PUF60: variants seen among roughly 807,000 people sequenced by gnomAD.
The protein encoded by PUF60 is poly(U)-binding-splicing factor PUF60.
Under a neutral mutation model 61.8 loss-of-function variants are expected in PUF60, and 10 were observed. The ratio of observed to expected loss-of-function variants is 0.16; its 90% CI spans 0.10 to 0.27. The LOEUF (loss-of-function observed/expected upper bound fraction) is 0.27, where lower values mean the gene tolerates loss of function less well. PUF60 is among the 10% of genes least tolerant of loss of function. The probability of loss-of-function intolerance (pLI) is 1.00; values close to 1 mark genes in which losing one functional copy is unlikely to be tolerated. For synonymous variants in PUF60, 353 were observed against 300.9 expected, an observed-to-expected ratio of 1.17 and a Z score of -1.79; for missense variants, 371 against 754.0, an observed-to-expected ratio of 0.49 and a Z score of 5.95.
intron 2 of PUF60, 128 bp from the exon 3 acceptor site, chr8:143,822,041 G>A: frequency 3.0e-6 from 2 of 673,568 alleles, no homozygotes. Context: ...TTCTGACATT[G>A]CTGTCCCCAG....
rs1161486449 is a variant in PUF60, at chr8:143,822,927, C to G, written c.112-1014G>C. On this transcript the variant is annotated intron_variant, in intron 2 of 11. Transcript: ENST00000526683. ...GGACAGCAGAGAAGAGAGAAGGGTC[C>G]CCAGCACAGAAGTGATGAGCAAGGA... The G allele has an allele frequency of 6.8e-5, 18 of 266,422 alleles. No homozygotes were observed. In the South Asian group the frequency reaches 6.8e-4, roughly 10 times the overall value. The allele number at this position is 266,422 out of a possible 1,614,324, so 16.5% of individuals were successfully genotyped here.
rs1816425058 is a variant in PUF60 at position 143,817,158 on chromosome 8, C to A, written c.1145-13G>T. On this transcript the variant is annotated splice_polypyrimidine_tract_variant and intron_variant, in intron 10 of 11. Coordinates refer to ENST00000526683, the MANE Select transcript of PUF60 (RefSeq NM_078480.3). This position sits in a 1 kb window ranked among gnomAD's most constrained non-coding sequence, Gnocchi z 7.4. Reference sequence around the variant, plus strand: ...GCTGGGGTCACACCTGCAGGAAAACCAACCAGGTCCATCAGTCACTCCCTA... The same window carrying A: ...GCTGGGGTCACACCTGCAGGAAAACAAACCAGGTCCATCAGTCACTCCCTA... 1.3e-6 allele frequency: 2 copies of A among 1,578,588 alleles called. No individual in the cohort carries two copies. Among genetic ancestry groups the A allele is most frequent in the African/African-American group, 1.3e-5 (1 of 74,358 alleles).
chr8:143,823,518 G>A (rs528146270), intron 2 of PUF60, among the ~76,000 whole-genome samples: 11 of 152,358 alleles, frequency 7.2e-5, no homozygotes, highest in African/African-American at 2.4e-4. Context: ...CCGGCTGGGC[G>A]CCAGCCAAGG....
intron 1 of PUF60, chr8:143,827,331 G>A: frequency 2.2e-6 from 1 of 455,970 alleles, no homozygotes; most frequent in South Asian, 1.5e-5. Flanking sequence ...CTGGCTGTCA[G>A]TGAAGAGAAC....
chr8:143,817,064 G>A lies in PUF60; in HGVS notation c.1226C>T (p.Thr409Met), dbSNP rs371217811. The A allele has an allele frequency of 9.4e-5, 151 of 1,611,518 alleles. No individual in the cohort carries two copies. Among genetic ancestry groups the A allele is most frequent in the Non-Finnish European group, 1.2e-4 (139 of 1,179,294 alleles). Residue 409 changes from threonine to methionine, a missense_variant, in exon 11 of 12, where the codon ACG becomes ATG. Around this residue, in one of 13 missense-constraint regions of PUF60, gnomAD observed 68 missense variants for 69.4 expected, o/e 0.98. Coordinates refer to ENST00000526683, the MANE Select transcript of PUF60 (RefSeq NM_078480.3). This position sits in a 1 kb window ranked among gnomAD's most constrained non-coding sequence, Gnocchi z 7.4. ...CTTCTTGGGCTCCAGGAGACCCAGC[G>A]TTGGAGGGCTGGCCAGGATGGGGTT... ...VVNPILASPP[T>M]LGLLEPKKEK...
intron 1 of PUF60, 118 bp from the exon 2 acceptor site, chr8:143,824,517 A>T: frequency 9.4e-7 from 1 of 1,069,042 alleles, no homozygotes; most frequent in Non-Finnish European, 1.4e-6. Context: ...CCAGGCAGGG[A>T]GGCATTCCCG....
At chr8:143,827,448 A>AGG (rs1308278576) in intron 1 of PUF60, 3 of 456,218 alleles carry the variant, frequency 6.6e-6, no homozygotes, top group Non-Finnish European at 1.3e-5. Context: ...TGCCCATGGG[A>AGG]GGGGAGGCCC....
rs1405476626 is a variant in PUF60 at position 143,817,050 on chromosome 8, C to T, written c.1240G>A (p.Glu414Lys). ...LASPPTLGLLEPKKEKEEEEL... is the reference protein window; with the variant it reads ...LASPPTLGLLKPKKEKEEEEL... The stretch of plus-strand genomic sequence containing the variant: ...TCTTCTTCCTTCTCCTTCTTGGGCT[C>T]CAGGAGACCCAGCGTTGGAGGGCTG... The change falls in exon 11 of 12, where the codon GAG becomes AAG. Residue 414 changes from glutamate to lysine, a missense_variant. Around this residue, in one of 13 missense-constraint regions of PUF60, gnomAD observed 68 missense variants for 69.4 expected, o/e 0.98. Transcript: ENST00000526683. This position sits in a 1 kb window ranked among gnomAD's most constrained non-coding sequence, Gnocchi z 7.4. The T allele has an allele frequency of 6.2e-7, 1 of 1,611,244 alleles. No homozygotes were observed. The highest frequency in any genetic ancestry group is 1.7e-5 in the Admixed American group (1 of 59,782).
In PUF60 at chr8:143,824,023, G is replaced by A. The variant is rs557623385; in HGVS notation, c.111+290C>T. 7.2e-5 allele frequency among the ~76,000 whole-genome samples: 11 copies of A among 152,374 alleles called. No individual in the cohort carries two copies. The South Asian group carries it at 1.4e-3, about 20-fold the overall frequency. ...TAAGAACGCGCGAGCTCCAGGCCCCGGCGTCCCCGCCCAGCCAGACTGTCA... is the reference window on the plus strand; with the variant it reads ...TAAGAACGCGCGAGCTCCAGGCCCCAGCGTCCCCGCCCAGCCAGACTGTCA... On this transcript the variant is annotated intron_variant, in intron 2 of 11. Coordinates refer to ENST00000526683, the MANE Select transcript of PUF60 (RefSeq NM_078480.3).
rs1816648615 is a variant in PUF60 at position 143,818,603 on chromosome 8, C to T, written c.349-69G>A. 15 of 1,461,740 alleles carry T rather than the reference C, an allele frequency of 1.0e-5. 1 individual carries two copies. Among genetic ancestry groups the T allele is most frequent in the Middle Eastern group, 4.9e-4 (2 of 4,114 alleles). 90.5% of individuals were successfully genotyped at this position (1,461,740 alleles called of 1,614,324 possible). ...CGGCAGGAAGCTGGGCAGCCCACTCCCCTCCTGGCCCACCCACCCAGCCCT... is the reference window on the plus strand; with the variant it reads ...CGGCAGGAAGCTGGGCAGCCCACTCTCCTCCTGGCCCACCCACCCAGCCCT... On this transcript the variant is annotated intron_variant, in intron 5 of 11. Transcript: ENST00000526683. This position sits in a 1 kb window ranked among gnomAD's most constrained non-coding sequence, Gnocchi z 7.9.
intron 1 of PUF60, 193 bp downstream of exon 1, chr8:143,829,087 A>C: frequency 9.1e-7 from 1 of 1,093,632 alleles, no homozygotes; most frequent in Non-Finnish European, 1.1e-6. Context: ...GCAGGCCGGA[A>C]GCTGAGGCCG....
At position 143,817,523 on chromosome 8, in the gene PUF60, T is replaced by C. The variant is rs1816490588; in HGVS notation, c.1009-57A>G. ...CTGGTCTGGCTACTCAAGACCACCT[T>C]GAATCAGTCTCCAAGGAATCAGGGG... is the stretch of plus-strand genomic sequence containing the variant. On this transcript the variant is annotated intron_variant, in intron 9 of 11. Coordinates refer to ENST00000526683, the MANE Select transcript of PUF60 (RefSeq NM_078480.3). The surrounding 1 kb of genome is among the most constrained non-coding windows in gnomAD (Gnocchi z 7.4). 6.2e-7 allele frequency: 1 copy of C among 1,608,042 alleles called. No individual in the cohort carries two copies. Among genetic ancestry groups the C allele is most frequent in the African/African-American group, 1.3e-5 (1 of 74,768 alleles).
At chr8:143,827,134 C>CA (rs1755034643) in intron 1 of PUF60, 1 of 317,018 alleles carries the variant, frequency 3.2e-6, no homozygotes, top group South Asian at 2.4e-5. Flanking sequence ...CAAAGAATGC[C>CA]AAAATCAAAG....
In PUF60 at chr8:143,827,370, A is replaced by G. The variant is rs149357651; in HGVS notation, c.24+1910T>C. ...GCCATGCGTCAAAGTGAAAAGATGC[A>G]TCCAGAAGACCTACCCTTGCTGCAA... On this transcript the variant is annotated intron_variant, in intron 1 of 11. Coordinates refer to ENST00000526683, the MANE Select transcript of PUF60 (RefSeq NM_078480.3). 128 of 456,272 alleles carry G rather than the reference A, an allele frequency of 2.8e-4. No individual in the cohort carries two copies. In the East Asian group the frequency reaches 7.6e-3, roughly 27 times the overall value. The allele number at this position is 456,272 out of a possible 1,614,324, so 28.3% of individuals were successfully genotyped here.
chr8:143,822,063 G>C, intron 2 of PUF60, 150 bp from the exon 3 acceptor site: 1 of 641,022 alleles, frequency 1.6e-6, no homozygotes, highest in Non-Finnish European at 2.7e-6. Context: ...CCAGGCCACT[G>C]TCTCCCCCGG....
intron 2 of PUF60, among the ~76,000 whole-genome samples, chr8:143,824,031 C>T (rs1054766533): frequency 9.2e-5 from 14 of 152,274 alleles, no homozygotes; most frequent in African/African-American, 3.1e-4. Context: ...CCGGCGTCCC[C>T]GCCCAGCCAG....
chr8:143,817,274 C>T lies in PUF60; in HGVS notation c.1144+57G>A, dbSNP rs1371458298. On this transcript the variant is annotated intron_variant, in intron 10 of 11. Transcript: ENST00000526683. This position sits in a 1 kb window ranked among gnomAD's most constrained non-coding sequence, Gnocchi z 7.4. ...ACCAGGGCCAGGCAGCTGAGGGCAG[C>T]GAGCCGAGAGATGCCAGGACAGGAG... 9.0e-6 allele frequency: 14 copies of T among 1,549,304 alleles called. No homozygotes were observed. The highest frequency in any genetic ancestry group is 2.8e-5 in the African/African-American group (2 of 72,422).
chr8:143,821,654 C>T lies in PUF60; in HGVS notation c.240G>A (p.Lys80=), dbSNP rs1160183145. 6.5e-7 allele frequency: 1 copy of T among 1,548,112 alleles called. No homozygotes were observed. The highest frequency in any genetic ancestry group is 1.2e-5 in the South Asian group (1 of 84,066). ...AKKYAMEQSI[K]SVLVKQTIAH... is the part of the protein sequence containing the mutation. ...CGATGGTCTGCTTCACCAGCACACTCTTGATGCTCTGCTCCATGGCGTACT... is the reference window on the plus strand; with the variant it reads ...CGATGGTCTGCTTCACCAGCACACTTTTGATGCTCTGCTCCATGGCGTACT... The change falls in exon 4 of 12, where the codon AAG becomes AAA. Residue 80 remains lysine, a synonymous_variant. Transcript: ENST00000526683.
intron 1 of PUF60, among the ~76,000 whole-genome samples, chr8:143,825,669 G>C (rs115910484): frequency 0.022 from 3,374 of 152,280 alleles, 129 homozygotes; most frequent in African/African-American, 0.077. Context: ...TTTTGGTAGA[G>C]ATGGGGGTCT....
Sources: allele counts gnomAD v4.1 joint callset (sites outside exome capture counted in the v4.1 genomes callset), GRCh38; gene constraint gnomAD v4.1.1; regional missense constraint gnomAD v4.1.1; non-coding constraint Gnocchi (gnomAD v3.1); transcripts MANE v1.5; gene names NCBI Gene and HGNC (gene_info 2026-07-23, HGNC 2026-07-21).